Variants in SH2B3 observed in about 807,000 individuals in gnomAD.
SH2B3 encodes SH2B adaptor protein 3.
Under a neutral mutation model 51.9 loss-of-function variants are expected in SH2B3, and 43 were observed. That is an observed-to-expected ratio of 0.83 (90% CI 0.65 to 1.07). SH2B3 has a LOEUF of 1.07. Among genes scored for constraint, SH2B3 ranks in the 50% least tolerant of loss-of-function variants. The pLI, the probability that SH2B3 is intolerant of heterozygous loss-of-function variation, is 0.00. For synonymous variants in SH2B3, 396 were observed against 376.0 expected (o/e 1.05, Z -0.62); for missense variants, 952 against 834.3 (o/e 1.14, Z -1.74).
Position 111,448,088 on chromosome 12 carries a change from G to A in SH2B3, c.1514G>A (p.Gly505Asp), listed in dbSNP as rs546449701. 2.0e-5 allele frequency: 32 copies of A among 1,613,838 alleles called. No individual in the cohort carries two copies. The highest frequency in any genetic ancestry group is 2.6e-5 in the Non-Finnish European group (31 of 1,180,000). Reference protein sequence around the residue: ...ELGLPHLSSSGCPRGLSPEGL... With the variant: ...ELGLPHLSSSDCPRGLSPEGL... ...GGCCTTCCCCACCTTAGTTCTTCTG[G>A]CTGTCCCCGGGGGCTCAGCCCAGAG... The change falls in exon 8 of 8, where the codon GGC becomes GAC. Residue 505 changes from glycine to aspartate, a missense_variant. By Grantham distance (94) the Gly-to-Asp change is moderately conservative (BLOSUM62 -1). Coordinates refer to ENST00000341259, the MANE Select transcript of SH2B3 (RefSeq NM_005475.3).
At chr12:111,433,106 C>T (rs558825277) in intron 2 of SH2B3, among the ~76,000 whole-genome samples, 2 of 152,288 alleles carry the variant, frequency 1.3e-5, no homozygotes, top group African/African-American at 4.8e-5. Flanking sequence ...AATCCCAGCA[C>T]TTTGGGGGGC....
chr12:111,423,609 A>C (rs554700545), intron 2 of SH2B3, among the ~76,000 whole-genome samples: 1 of 152,194 alleles, frequency 6.6e-6, no homozygotes, highest in African/African-American at 2.4e-5. Context: ...TGACCTCGTT[A>C]TCTGCCCGCC....
intron 2 of SH2B3, among the ~76,000 whole-genome samples, chr12:111,422,454 C>T (rs1871631874): frequency 6.6e-6 from 1 of 152,090 alleles, no homozygotes; most frequent in African/African-American, 2.4e-5. Context: ...GTCTGTCTAG[C>T]CTTTTTTAAA....
intron 2 of SH2B3, among the ~76,000 whole-genome samples, chr12:111,426,425 T>C (rs1480459140): frequency 6.7e-6 from 1 of 149,658 alleles, no homozygotes. Context: ...GGGGATTTGC[T>C]ATGTTGCCCA....
At position 111,407,947 on chromosome 12, in the gene SH2B3, G is replaced by A. The variant is rs537045654; in HGVS notation, c.-28+1670G>A. 2.0e-5 allele frequency among the ~76,000 whole-genome samples: 3 copies of A among 152,372 alleles called. No individual in the cohort carries two copies. The South Asian group carries it at 6.2e-4, about 32-fold the overall frequency. ...CTCTGTGTAAAATGGGGGAGTAACA[G>A]GTTTGCAGTGGAGATTTAATGAGCC... On this transcript the variant is annotated intron_variant, in intron 1 of 7. Transcript: ENST00000341259. The surrounding 1 kb of genome is among the most constrained non-coding windows in gnomAD (Gnocchi z 4.3).
At chr12:111,411,266 A>G (rs1038371883) in intron 1 of SH2B3, among the ~76,000 whole-genome samples, 7 of 150,662 alleles carry the variant, frequency 4.6e-5, no homozygotes, top group African/African-American at 1.7e-4. Flanking sequence ...ACTTGGAAGG[A>G]CTGCTTAAAC....
chr12:111,419,285 C>G (rs997510310), intron 2 of SH2B3, among the ~76,000 whole-genome samples: 1 of 151,948 alleles, frequency 6.6e-6, no homozygotes, highest in Non-Finnish European at 1.5e-5. Flanking sequence ...GCCTGGGTGA[C>G]GGAGTAAGAC....
At chr12:111,441,645 A>G (rs1463281162) in intron 2 of SH2B3, among the ~76,000 whole-genome samples, 1 of 152,118 alleles carries the variant, frequency 6.6e-6, no homozygotes, top group African/African-American at 2.4e-5. Context: ...TCAATCCCAT[A>G]TTACCTTGGG....
chr12:111,410,748 G>A lies in SH2B3; in HGVS notation c.-28+4471G>A, dbSNP rs1259311306. On this transcript the variant is annotated intron_variant, in intron 1 of 7. Transcript: ENST00000341259. This position sits in a 1 kb window ranked among gnomAD's most constrained non-coding sequence, Gnocchi z 4.9. ...CTGCCTCCCCAGGGACCCTGCCTTC[G>A]CCCCCTGCTTCCCGTGGGCATCTCT... Among the ~76,000 whole-genome samples, 1 of 152,112 alleles carries A rather than the reference G, an allele frequency of 6.6e-6. No homozygotes were observed. The highest frequency in any genetic ancestry group is 1.5e-5 in the Non-Finnish European group (1 of 68,022).
intron 1 of SH2B3, among the ~76,000 whole-genome samples, chr12:111,415,653 G>A (rs1442856875): frequency 1.3e-4 from 18 of 139,116 alleles, no homozygotes; most frequent in Non-Finnish European, 2.6e-4. Context: ...ACAGAGTCTC[G>A]CTCTGTCACC....
chr12:111,434,923 C>G (rs1052348374), intron 2 of SH2B3: 2 of 1,535,584 alleles, frequency 1.3e-6, no homozygotes, highest in Admixed American at 2.0e-5. Context: ...GGTGCTGTGC[C>G]GTGGCTGGAG....
intron 2 of SH2B3, among the ~76,000 whole-genome samples, chr12:111,428,114 A>T (rs1481730154): frequency 1.3e-5 from 2 of 152,216 alleles, no homozygotes; most frequent in African/African-American, 4.8e-5. Flanking sequence ...TGGACTAGGA[A>T]AAGCTCCTGT....
intron 2 of SH2B3, among the ~76,000 whole-genome samples, chr12:111,422,093 G>A (rs139939296): frequency 1.3e-3 from 195 of 152,252 alleles, no homozygotes; most frequent in Non-Finnish European, 2.3e-3. Flanking sequence ...TTTTGTTTTT[G>A]TTTTGAGACG....
chr12:111,443,738 A>G (rs1275658820), intron 2 of SH2B3: 1 of 152,136 alleles, frequency 6.6e-6, no homozygotes, highest in African/African-American at 2.4e-5. Context: ...GGCTTTACTC[A>G]CCGGCCTGTT....
intron 2 of SH2B3, among the ~76,000 whole-genome samples, chr12:111,419,221 T>G (rs1452668558): frequency 6.6e-6 from 1 of 152,104 alleles, no homozygotes; most frequent in African/African-American, 2.4e-5. Flanking sequence ...GAGGATGACT[T>G]GAGCCCAGGA....
rs750167910 is a variant in SH2B3, at chr12:111,429,391, G to A, written c.732+10514G>A. Among the ~76,000 whole-genome samples the A allele has an allele frequency of 3.3e-5, 5 of 152,184 alleles. No individual in the cohort carries two copies. The highest frequency in any genetic ancestry group is 1.2e-4 in the African/African-American group (5 of 41,440). Reference sequence around the variant, plus strand: ...CTGTCGCCCAGGTTAGAGCAGAGTGGTGTGATTTTGGCTCACTGCAACCAC... The same window carrying A: ...CTGTCGCCCAGGTTAGAGCAGAGTGATGTGATTTTGGCTCACTGCAACCAC... On this transcript the variant is annotated intron_variant, in intron 2 of 7. Coordinates refer to ENST00000341259, the MANE Select transcript of SH2B3 (RefSeq NM_005475.3). This position sits in a 1 kb window ranked among gnomAD's most constrained non-coding sequence, Gnocchi z 4.4.
intron 1 of SH2B3, among the ~76,000 whole-genome samples, chr12:111,412,311 T>C (rs1339252652): frequency 6.6e-6 from 1 of 152,130 alleles, no homozygotes; most frequent in Non-Finnish European, 1.5e-5. Flanking sequence ...TACAGTCCCT[T>C]CCATAGCTTG....
intron 2 of SH2B3, among the ~76,000 whole-genome samples, chr12:111,431,634 A>G (rs1171013325): frequency 6.6e-6 from 1 of 151,976 alleles, no homozygotes; most frequent in East Asian, 1.9e-4. Context: ...CAGACTAGAG[A>G]GCAGTGGCGC....
intron 2 of SH2B3, among the ~76,000 whole-genome samples, chr12:111,437,172 G>A (rs974519615): frequency 6.6e-6 from 1 of 152,220 alleles, no homozygotes; most frequent in Non-Finnish European, 1.5e-5. Context: ...CCCAGAGGAG[G>A]TGCTTGGAGG....
Sources: gnomAD v4.1 joint callset for allele counts (sites outside exome capture counted in the v4.1 genomes callset) on GRCh38, gnomAD v4.1.1 for gene constraint, Gnocchi (gnomAD v3.1) non-coding constraint, MANE v1.5 for transcripts, NCBI Gene and HGNC (gene_info 2026-07-23, HGNC 2026-07-21) for gene names.